AFAP1L2: variants seen among roughly 807,000 people sequenced by gnomAD.
AFAP1L2 encodes the protein actin filament associated protein 1 like 2, also known as actin filament-associated protein 1-like 2.
A neutral mutation model predicts 99.3 loss-of-function variants in AFAP1L2; 46 were observed. The observed-to-expected ratio is 0.46, with a 90% CI of 0.37 to 0.59. The LOEUF (loss-of-function observed/expected upper bound fraction) is 0.59, where lower values mean the gene tolerates loss of function less well. Ranked by LOEUF, AFAP1L2 falls within the 20% of genes least tolerant of loss-of-function variation. AFAP1L2 has a pLI of 0.00. For missense variants in AFAP1L2, 959 were observed against 1,034.9 expected, an observed-to-expected ratio of 0.93 and a Z score of 1.01; for synonymous variants, 397 against 419.1, an observed-to-expected ratio of 0.95 and a Z score of 0.64.
intron 1 of AFAP1L2, among the ~76,000 whole-genome samples, chr10:114,359,217 T>G (rs2051853059): frequency 6.6e-6 from 1 of 152,242 alleles, no homozygotes; most frequent in African/African-American, 2.4e-5. Flanking sequence ...AAATCCAGCA[T>G]GGTGATGATT....
intron 4 of AFAP1L2, chr10:114,325,908 G>A: frequency 7.8e-7 from 1 of 1,289,124 alleles, no homozygotes; most frequent in South Asian, 1.2e-5. Context: ...TCTCCCCAGT[G>A]GGTCCCAGGG....
At chr10:114,379,475 G>T (rs2055306868) in intron 1 of AFAP1L2, among the ~76,000 whole-genome samples, 1 of 152,084 alleles carries the variant, frequency 6.6e-6, no homozygotes, top group African/African-American at 2.4e-5. Context: ...TAATAATAAA[G>T]AATGAGTCAC....
rs117737337 is a variant in AFAP1L2, at chr10:114,403,506, G to A, written c.16+934C>T. Among the ~76,000 whole-genome samples the A allele has an allele frequency of 4.4e-3, 677 of 152,264 alleles. 14 individuals carry two copies. In the East Asian group the frequency reaches 0.05, roughly 11 times the overall value. On this transcript the variant is annotated intron_variant, in intron 1 of 18. Coordinates refer to ENST00000304129, the MANE Select transcript of AFAP1L2 (RefSeq NM_001001936.3). ...TCCTCCCGCAGGTTTGGCGGAGACC[G>A]GTCCAGCAAAAGAGAAGGCAAGAGG...
rs1272455083 is a variant in AFAP1L2 at position 114,400,538 on chromosome 10, A to C, written c.16+3902T>G. On this transcript the variant is annotated intron_variant, in intron 1 of 18. Coordinates refer to ENST00000304129, the MANE Select transcript of AFAP1L2 (RefSeq NM_001001936.3). ...AGCCTTTTAAAGCCTCTAATAGCTGAAGGTGATTACAGTAGATTTCTGCAG... is the reference window on the plus strand; with the variant it reads ...AGCCTTTTAAAGCCTCTAATAGCTGCAGGTGATTACAGTAGATTTCTGCAG... Among the ~76,000 whole-genome samples the C allele has an allele frequency of 3.3e-5, 5 of 152,248 alleles. No individual in the cohort carries two copies. The East Asian group carries it at 9.6e-4, about 29-fold the overall frequency.
chr10:114,353,523 A>G (rs772423330), intron 1 of AFAP1L2, among the ~76,000 whole-genome samples: 34 of 152,296 alleles, frequency 2.2e-4, no homozygotes, highest in Non-Finnish European at 3.8e-4. Flanking sequence ...CCATCCCCAG[A>G]TTTGAAGCCA....
intron 1 of AFAP1L2, among the ~76,000 whole-genome samples, chr10:114,378,977 C>T (rs557107562): frequency 3.2e-4 from 48 of 152,166 alleles, no homozygotes; most frequent in Non-Finnish European, 4.9e-4. Flanking sequence ...TCTGGGAGGC[C>T]GAGGCGGGCA....
chr10:114,367,084 C>T (rs952940695), intron 1 of AFAP1L2, among the ~76,000 whole-genome samples: 3 of 152,168 alleles, frequency 2.0e-5, no homozygotes, highest in African/African-American at 7.2e-5. Context: ...CTGGGCTGCA[C>T]CACACCAATG....
intron 1 of AFAP1L2, among the ~76,000 whole-genome samples, chr10:114,366,346 G>A (rs187719065): frequency 5.4e-4 from 82 of 152,298 alleles, no homozygotes; most frequent in African/African-American, 1.9e-3. Context: ...GTGCTGTGCA[G>A]CGTACTCAAG....
chr10:114,344,299 T>G (rs189052331), intron 1 of AFAP1L2, among the ~76,000 whole-genome samples: 2 of 152,022 alleles, frequency 1.3e-5, no homozygotes, highest in African/African-American at 2.4e-5. Context: ...GGAAAATAAA[T>G]GGAGGACAAC....
intron 1 of AFAP1L2, among the ~76,000 whole-genome samples, chr10:114,375,722 C>T (rs1003875851): frequency 3.3e-4 from 50 of 152,146 alleles, no homozygotes; most frequent in Non-Finnish European, 2.1e-4. Flanking sequence ...ACCTGTAATT[C>T]CAACATTTTT....
intron 7 of AFAP1L2, among the ~76,000 whole-genome samples, chr10:114,312,351 C>T (rs182637538): frequency 1.3e-5 from 2 of 151,360 alleles, no homozygotes; most frequent in East Asian, 1.9e-4. Context: ...TGCATTTGTC[C>T]GTGTGTGTAC....
chr10:114,327,837 G>T (rs567845547), intron 4 of AFAP1L2, among the ~76,000 whole-genome samples: 1 of 152,348 alleles, frequency 6.6e-6, no homozygotes, highest in East Asian at 1.9e-4. Flanking sequence ...CAGAGGACCC[G>T]AGGCATCCTC....
At chr10:114,353,650 G>C (rs556488272) in intron 1 of AFAP1L2, among the ~76,000 whole-genome samples, 1 of 152,164 alleles carries the variant, frequency 6.6e-6, no homozygotes, top group South Asian at 2.1e-4. Context: ...CCTTACATTG[G>C]TAAAGATTTG....
chr10:114,346,268 C>G (rs1184930475), intron 1 of AFAP1L2, among the ~76,000 whole-genome samples: 1 of 152,176 alleles, frequency 6.6e-6, no homozygotes, highest in Non-Finnish European at 1.5e-5. Context: ...GCACTCAGCT[C>G]TCTTGCTGGC....
chr10:114,391,995 G>T (rs1456107150), intron 1 of AFAP1L2, among the ~76,000 whole-genome samples: 1 of 152,192 alleles, frequency 6.6e-6, no homozygotes, highest in African/African-American at 2.4e-5. Context: ...GATGCCGCCT[G>T]CACTCAAGGA....
At chr10:114,289,374 T>C in the AFAP1L2 span, 19 of 1,614,242 alleles carry the variant, frequency 1.2e-5, no homozygotes, top group East Asian at 4.5e-5. Context: ...GCGTGGGGCC[T>C]GTCCTAAGTG....
At chr10:114,321,459 T>C (rs906116744) in intron 5 of AFAP1L2, among the ~76,000 whole-genome samples, 1 of 152,186 alleles carries the variant, frequency 6.6e-6, no homozygotes, top group African/African-American at 2.4e-5. Context: ...GGCTGAGTAG[T>C]ATTCTGTGGT....
chr10:114,300,765 C>A, intron 13 of AFAP1L2, 75 bp from the exon 14 acceptor site: 12 of 1,510,074 alleles, frequency 7.9e-6, no homozygotes, highest in Non-Finnish European at 1.1e-5. Context: ...ACCAGCCCTG[C>A]CTCACAGTTC....
At chr10:114,367,629 TA>T (rs1303863850) in intron 1 of AFAP1L2, among the ~76,000 whole-genome samples, 3 of 152,188 alleles carry the variant, frequency 2.0e-5, no homozygotes, top group African/African-American at 7.2e-5. Context: ...CAACCCCCAG[TA>T]AATCACTGTT....
Sources: gnomAD v4.1 joint callset for allele counts (sites outside exome capture counted in the v4.1 genomes callset) on GRCh38, gnomAD v4.1.1 for gene constraint, MANE v1.5 for transcripts, NCBI Gene and HGNC (gene_info 2026-07-23, HGNC 2026-07-21) for gene names.